Variants in RANBP2 observed in about 807,000 individuals in gnomAD.
The protein encoded by RANBP2 is RAN binding protein 2, also known as E3 SUMO-protein ligase RanBP2.
In RANBP2, 57 loss-of-function variants were observed where a neutral mutation model predicts 303.6. The ratio of observed to expected loss-of-function variants is 0.19; its 90% CI spans 0.15 to 0.23. The LOEUF (loss-of-function observed/expected upper bound fraction) is 0.23, where lower values mean the gene tolerates loss of function less well. RANBP2 is among the 10% of genes least tolerant of loss of function. The probability of loss-of-function intolerance (pLI) is 1.00; values close to 1 mark genes in which losing one functional copy is unlikely to be tolerated. For synonymous variants in RANBP2, 1,167 were observed against 1,301.5 expected (o/e 0.90, Z 2.23); for missense variants, 3,138 against 3,780.8 (o/e 0.83, Z 4.46).
the RANBP2 span, among the ~76,000 whole-genome samples, chr2:109,484,543 C>T: frequency 6.6e-5 from 10 of 152,266 alleles, no homozygotes; most frequent in South Asian, 4.1e-4. Context: ...TCTTGAGGCC[C>T]GCCCCCTCCT....
At chr2:109,476,376 C>A in the RANBP2 span, among the ~76,000 whole-genome samples, 1 of 152,134 alleles carries the variant, frequency 6.6e-6, no homozygotes, top group Non-Finnish European at 1.5e-5. Context: ...TACTGGGTAG[C>A]CCCTGGGTGA....
chr2:109,705,102 T>C, the RANBP2 span, among the ~76,000 whole-genome samples: 1 of 146,058 alleles, frequency 6.8e-6, no homozygotes, highest in Non-Finnish European at 1.5e-5. Context: ...AATAAATAAA[T>C]AAATAAATAA....
chr2:108,832,919 C>T, the RANBP2 span, among the ~76,000 whole-genome samples: 1 of 152,198 alleles, frequency 6.6e-6, no homozygotes, highest in South Asian at 2.1e-4. Context: ...TGTCATCCCA[C>T]AGATAAGAGG....
At chr2:109,575,764 A>T in the RANBP2 span, among the ~76,000 whole-genome samples, 1 of 151,024 alleles carries the variant, frequency 6.6e-6, no homozygotes, top group Non-Finnish European at 1.5e-5. Flanking sequence ...TTCTAGCCCT[A>T]TAATGAACCA....
chr2:109,726,061 GTGT>G, the RANBP2 span, among the ~76,000 whole-genome samples: 6 of 122,732 alleles, frequency 4.9e-5, no homozygotes, highest in South Asian at 2.8e-4. Context: ...TGCTTTTGGT[GTGT>G]GTGTGTGTGT....
chr2:109,375,502 G>T, the RANBP2 span, among the ~76,000 whole-genome samples: 1 of 152,208 alleles, frequency 6.6e-6, no homozygotes, highest in African/African-American at 2.4e-5. Flanking sequence ...GATGGGACAA[G>T]AACTAAATCC....
chr2:109,332,122 C>G, the RANBP2 span, among the ~76,000 whole-genome samples: 1 of 152,172 alleles, frequency 6.6e-6, no homozygotes, highest in East Asian at 1.9e-4. Context: ...TTGGCCAAGG[C>G]TGCTGGTAAA....
At chr2:108,740,788 A>T in intron 7 of RANBP2, 107 bp downstream of exon 7, 1 of 1,467,992 alleles carries the variant, frequency 6.8e-7, no homozygotes, top group Non-Finnish European at 9.1e-7. Context: ...AAACCTGTGG[A>T]ATTAAAGTTG....
At chr2:109,171,391 G>C in the RANBP2 span, among the ~76,000 whole-genome samples, 9 of 152,164 alleles carry the variant, frequency 5.9e-5, no homozygotes, top group African/African-American at 2.2e-4. Context: ...TAGTGACTAT[G>C]AATATTCGGA....
chr2:109,481,955 A>C, the RANBP2 span, among the ~76,000 whole-genome samples: 1 of 152,220 alleles, frequency 6.6e-6, no homozygotes, highest in Non-Finnish European at 1.5e-5. Context: ...GCTCCCCTAC[A>C]AAATGACTGA....
At chr2:108,744,935 A>G (rs1427469243) in intron 7 of RANBP2, among the ~76,000 whole-genome samples, 1 of 152,134 alleles carries the variant, frequency 6.6e-6, no homozygotes, top group Admixed American at 6.5e-5. Flanking sequence ...GGAGGAAAAC[A>G]TTTGAACATT....
At chr2:109,129,259 G>A in the RANBP2 span, 53 of 587,296 alleles carry the variant, frequency 9.0e-5, no homozygotes, top group East Asian at 2.1e-3. Flanking sequence ...CGCGCGGGGC[G>A]GACTTGCGGC....
the RANBP2 span, among the ~76,000 whole-genome samples, chr2:109,143,166 C>T: frequency 6.6e-6 from 1 of 152,090 alleles, no homozygotes; most frequent in African/African-American, 2.4e-5. Flanking sequence ...ATTTAATGGT[C>T]CATTCTGTTT....
At chr2:109,361,533 G>A in the RANBP2 span, among the ~76,000 whole-genome samples, 3 of 152,090 alleles carry the variant, frequency 2.0e-5, no homozygotes, top group African/African-American at 7.2e-5. Context: ...GAGTGCAGTG[G>A]CGCGATCTTG....
the RANBP2 span, among the ~76,000 whole-genome samples, chr2:109,047,363 A>G: frequency 6.6e-6 from 1 of 152,196 alleles, no homozygotes; most frequent in African/African-American, 2.4e-5. Flanking sequence ...TCAGTGAGGT[A>G]CAAGAAACTA....
chr2:109,315,686 C>G, the RANBP2 span, among the ~76,000 whole-genome samples: 1 of 152,350 alleles, frequency 6.6e-6, no homozygotes, highest in Admixed American at 6.5e-5. Flanking sequence ...CGAGCTCTGT[C>G]TCAGTCCAGG....
At chr2:108,851,411 C>T in the RANBP2 span, among the ~76,000 whole-genome samples, 6 of 152,260 alleles carry the variant, frequency 3.9e-5, no homozygotes, top group African/African-American at 7.2e-5. Flanking sequence ...AAGCAATTCT[C>T]CTGCCTCAGC....
At chr2:109,173,186 G>C in the RANBP2 span, among the ~76,000 whole-genome samples, 2 of 151,898 alleles carry the variant, frequency 1.3e-5, no homozygotes, top group Non-Finnish European at 2.9e-5. Context: ...CATGGAAATC[G>C]AACACAGACT....
chr2:109,003,428 G>A, the RANBP2 span, among the ~76,000 whole-genome samples: 1 of 141,486 alleles, frequency 7.1e-6, no homozygotes. Flanking sequence ...TTTTTTTTTT[G>A]AGAAGGAGTT....
Sources: gnomAD v4.1 joint callset for allele counts (sites outside exome capture counted in the v4.1 genomes callset) on GRCh38, gnomAD v4.1.1 for gene constraint, MANE v1.5 for transcripts, NCBI Gene and HGNC (gene_info 2026-07-23, HGNC 2026-07-21) for gene names.